NRXN1: variants seen among roughly 807,000 people sequenced by gnomAD.
NRXN1 encodes neurexin-1.
NRXN1 carries 39 observed loss-of-function variants against 150.9 expected under a neutral mutation model. The ratio of observed to expected loss-of-function variants is 0.26; its 90% CI spans 0.20 to 0.34. The LOEUF (loss-of-function observed/expected upper bound fraction) is 0.34. NRXN1 is among the 10% of genes least tolerant of loss of function. The pLI is 1.00. For missense variants in NRXN1, 1,815 were observed against 1,949.9 expected, an observed-to-expected ratio of 0.93 and a Z score of 1.30; for synonymous variants, 924 against 757.0, an observed-to-expected ratio of 1.22 and a Z score of -3.62.
At chr2:50,193,367 T>A (rs1265678076) in intron 18 of NRXN1, among the ~76,000 whole-genome samples, 1 of 152,232 alleles carries the variant, frequency 6.6e-6, no homozygotes, top group African/African-American at 2.4e-5. Flanking sequence ...CCCACTCACA[T>A]CTTATGATTT....
chr2:50,004,168 G>C (rs557502218), intron 21 of NRXN1, among the ~76,000 whole-genome samples: 2 of 152,080 alleles, frequency 1.3e-5, no homozygotes, highest in Non-Finnish European at 2.9e-5. Context: ...AAGTCTTGTA[G>C]TTATTTTAGG....
intron 15 of NRXN1, among the ~76,000 whole-genome samples, chr2:50,484,838 T>C (rs939201001): frequency 4.6e-5 from 7 of 152,156 alleles, no homozygotes; most frequent in Admixed American, 1.3e-4. Context: ...TGTTATACAA[T>C]GTAGTAGAAA....
At chr2:50,861,269 G>A (rs1172126682) in intron 5 of NRXN1, among the ~76,000 whole-genome samples, 1 of 152,074 alleles carries the variant, frequency 6.6e-6, no homozygotes, top group Non-Finnish European at 1.5e-5. Context: ...CTGGAGTGCA[G>A]TGAGATGACC....
Position 49,981,340 on chromosome 2 carries a change from T to C in NRXN1, c.4129-37549A>G, listed in dbSNP as rs538879848. On this transcript the variant is annotated intron_variant, in intron 21 of 22. Coordinates refer to ENST00000401669, the MANE Select transcript of NRXN1 (RefSeq NM_001330078.2). ...GCACTCATCAAAAAACCATAGTCCA[T>C]GGACAAGTCCATCAGAAGAAATTAA... is the stretch of plus-strand genomic sequence containing the variant. Among the ~76,000 whole-genome samples, 3 of 151,748 alleles carry C rather than the reference T, an allele frequency of 2.0e-5. No individual in the cohort carries two copies. The South Asian group carries it at 6.2e-4, about 31-fold the overall frequency.
At chr2:50,592,384 GT>G (rs1344281551) in intron 8 of NRXN1, among the ~76,000 whole-genome samples, 111 of 152,328 alleles carry the variant, frequency 7.3e-4, no homozygotes, top group Non-Finnish European at 1.5e-5. Context: ...CCTGCACTCT[GT>G]GCATCCCAAA....
chr2:50,475,315 C>T (rs1034006973), intron 15 of NRXN1, among the ~76,000 whole-genome samples: 2 of 151,964 alleles, frequency 1.3e-5, no homozygotes, highest in Non-Finnish European at 2.9e-5. Flanking sequence ...CCAGAGTGCC[C>T]GGTACTGGGC....
chr2:50,227,379 C>A (rs2064495862), intron 18 of NRXN1, among the ~76,000 whole-genome samples: 1 of 151,908 alleles, frequency 6.6e-6, no homozygotes, highest in Non-Finnish European at 1.5e-5. Flanking sequence ...AACAGGGAGC[C>A]CATGCCCATC....
intron 5 of NRXN1, among the ~76,000 whole-genome samples, chr2:50,860,870 T>C (rs1369316615): frequency 3.3e-5 from 5 of 152,108 alleles, no homozygotes; most frequent in Non-Finnish European, 7.4e-5. Context: ...ACATTCAACA[T>C]GACATACTTA....
chr2:50,507,789 G>C (rs2092301276), intron 12 of NRXN1, among the ~76,000 whole-genome samples: 1 of 151,672 alleles, frequency 6.6e-6, no homozygotes, highest in African/African-American at 2.4e-5. Context: ...TTTTTTCCCT[G>C]GTGTTTTTTT....
chr2:50,950,688 T>C (rs1437597113), intron 2 of NRXN1, among the ~76,000 whole-genome samples: 1 of 152,194 alleles, frequency 6.6e-6, no homozygotes, highest in East Asian at 1.9e-4. Context: ...GCAATAATTT[T>C]TGTAACATTA....
Position 50,610,738 on chromosome 2 carries a change from T to C in NRXN1, c.1320+9284A>G, listed in dbSNP as rs1677958954. Among the ~76,000 whole-genome samples the C allele has an allele frequency of 3.1e-5, 4 of 127,784 alleles. No homozygotes were observed. In the South Asian group the frequency reaches 9.9e-4, roughly 32 times the overall value. 83.8% of individuals were successfully genotyped at this position (127,784 alleles called of 152,430 possible). A position where few individuals can be genotyped will look rare whatever the true frequency, so the allele number is the denominator to read the frequency against. On this transcript the variant is annotated intron_variant, in intron 8 of 22. Transcript: ENST00000401669. ...ATATACTATAGTCATTACTAGAACA[T>C]AGCTTGTAATTATATTTATATATAT...
intron 17 of NRXN1, among the ~76,000 whole-genome samples, chr2:50,339,474 T>C (rs2077407546): frequency 6.6e-6 from 1 of 152,156 alleles, no homozygotes; most frequent in East Asian, 1.9e-4. Context: ...AACATATACA[T>C]AACCACATAC....
At chr2:50,064,366 T>C (rs1573693842) in intron 19 of NRXN1, among the ~76,000 whole-genome samples, 1 of 152,130 alleles carries the variant, frequency 6.6e-6, no homozygotes, top group Non-Finnish European at 1.5e-5. Flanking sequence ...CAATGATTTA[T>C]AGTCTGAGGT....
chr2:50,498,315 C>G (rs189923460), intron 13 of NRXN1, among the ~76,000 whole-genome samples: 1 of 152,132 alleles, frequency 6.6e-6, no homozygotes, highest in Non-Finnish European at 1.5e-5. Flanking sequence ...TCAATAATGA[C>G]CATAGTTTTT....
intron 5 of NRXN1, among the ~76,000 whole-genome samples, chr2:50,636,918 A>C (rs1237105466): frequency 6.6e-6 from 1 of 152,208 alleles, no homozygotes; most frequent in Non-Finnish European, 1.5e-5. Flanking sequence ...AAGAAAGCTA[A>C]TATTATATAC....
intron 5 of NRXN1, among the ~76,000 whole-genome samples, chr2:50,854,237 A>G (rs552398140): frequency 6.6e-6 from 1 of 152,208 alleles, no homozygotes; most frequent in Non-Finnish European, 1.5e-5. Context: ...GAGATCATAC[A>G]CATTTTTCTT....
At chr2:50,943,554 A>C (rs1255054247) in intron 2 of NRXN1, among the ~76,000 whole-genome samples, 1 of 152,190 alleles carries the variant, frequency 6.6e-6, no homozygotes. Context: ...TTAGGAATGA[A>C]TTATCACCCT....
intron 5 of NRXN1, among the ~76,000 whole-genome samples, chr2:50,809,940 A>G (rs1574551855): frequency 6.6e-6 from 1 of 152,298 alleles, no homozygotes; most frequent in South Asian, 2.1e-4. Flanking sequence ...CATTGTGTTT[A>G]TTCACTCACG....
At chr2:50,747,791 T>C (rs540767779) in intron 5 of NRXN1, among the ~76,000 whole-genome samples, 3 of 152,286 alleles carry the variant, frequency 2.0e-5, no homozygotes, top group Non-Finnish European at 2.9e-5. Flanking sequence ...GTTTCTTCTA[T>C]GAACAGCCTA....
Sources: allele counts gnomAD v4.1 joint callset (sites outside exome capture counted in the v4.1 genomes callset), GRCh38; gene constraint gnomAD v4.1.1; transcripts MANE v1.5; gene names NCBI Gene and HGNC (gene_info 2026-07-23, HGNC 2026-07-21).